The following THSD7B variants were observed in gnomAD, a reference collection of about 807,000 sequenced individuals.
THSD7B encodes the protein thrombospondin type 1 domain containing 7B.
Under a neutral mutation model 213.6 loss-of-function variants are expected in THSD7B, and 138 were observed. The ratio of observed to expected loss-of-function variants is 0.65; its 90% CI spans 0.56 to 0.74. THSD7B has a LOEUF of 0.74. THSD7B is among the 30% of genes least tolerant of loss of function. THSD7B has a pLI of 0.00. For missense variants in THSD7B, 1,931 were observed against 1,991.5 expected, an observed-to-expected ratio of 0.97 and a Z score of 0.58; for synonymous variants, 742 against 687.0, an observed-to-expected ratio of 1.08 and a Z score of -1.25.
intron 20 of THSD7B, among the ~76,000 whole-genome samples, chr2:137,641,033 C>T (rs1400965585): frequency 6.6e-6 from 1 of 152,160 alleles, no homozygotes; most frequent in Non-Finnish European, 1.5e-5. Flanking sequence ...TTACTTATCA[C>T]TAAACTTGAA....
intron 2 of THSD7B, among the ~76,000 whole-genome samples, chr2:137,027,333 A>G (rs1686574293): frequency 6.6e-6 from 1 of 152,136 alleles, no homozygotes; most frequent in Non-Finnish European, 1.5e-5. Flanking sequence ...TTGAGTCTCA[A>G]AAATCTTCCA....
intron 5 of THSD7B, among the ~76,000 whole-genome samples, chr2:137,115,729 C>T (rs184301611): frequency 5.9e-5 from 9 of 152,034 alleles, no homozygotes; most frequent in East Asian, 3.9e-4. Context: ...AGGGTTTTGT[C>T]GCCAAGTTTT....
rs11383871 is a variant in THSD7B, at chr2:137,508,376, ATT to A, written c.3139-54826_3139-54825del. On this transcript the variant is annotated intron_variant, in intron 15 of 27. Transcript: ENST00000409968. ...TGCCAGGCTTCTGCTAAATAAAACAATTTTTTTTTTTTTTTTTTTTGAGACAG... is the reference window on the plus strand; with the variant it reads ...TGCCAGGCTTCTGCTAAATAAAACAATTTTTTTTTTTTTTTTTTGAGACAG... Among the ~76,000 whole-genome samples, 76 of 107,934 alleles carry A rather than the reference ATT, an allele frequency of 7.0e-4. 1 individual carries two copies. The highest frequency in any genetic ancestry group is 2.5e-3 in the African/African-American group (68 of 26,828). 70.8% of individuals were successfully genotyped at this position (107,934 alleles called of 152,430 possible). A position where few individuals can be genotyped will look rare whatever the true frequency, so the allele number is the denominator to read the frequency against.
chr2:137,389,412 T>C (rs1344158917), intron 12 of THSD7B, among the ~76,000 whole-genome samples: 1 of 135,046 alleles, frequency 7.4e-6, no homozygotes, highest in Non-Finnish European at 1.6e-5. Flanking sequence ...ATTTTTTTTT[T>C]TTTTTTTTTT....
rs547451485 is a variant in THSD7B, at chr2:137,124,005, A to G, written c.1369+8712A>G. Among the ~76,000 whole-genome samples, 37 of 152,308 alleles carry G rather than the reference A, an allele frequency of 2.4e-4. No individual in the cohort carries two copies. In the East Asian group the frequency reaches 4.6e-3, roughly 19 times the overall value. ...AATGTAACCCCCTGCATATAGTCTT[A>G]CCATTCAGTTTTAGGCATTACTTTT... On this transcript the variant is annotated intron_variant, in intron 5 of 27. Coordinates refer to ENST00000409968, the MANE Select transcript of THSD7B (RefSeq NM_001316349.2).
Position 137,160,207 on chromosome 2 carries a change from C to T in THSD7B, c.1370-6C>T. On this transcript the variant is annotated splice_region_variant and splice_polypyrimidine_tract_variant and intron_variant, in intron 5 of 27. Coordinates refer to ENST00000409968, the MANE Select transcript of THSD7B (RefSeq NM_001316349.2). ...TGACATGGTCCGTTATCTTTTTGTC[C>T]CTCAGTCTCTAGACCTGTGGAAAAG... The T allele has an allele frequency of 3.1e-6, 5 of 1,606,338 alleles. No individual in the cohort carries two copies. Among genetic ancestry groups the T allele is most frequent in the Non-Finnish European group, 4.2e-6 (5 of 1,176,980 alleles).
chr2:137,470,209 A>G (rs1321022854), intron 15 of THSD7B, among the ~76,000 whole-genome samples: 3 of 152,170 alleles, frequency 2.0e-5, no homozygotes, highest in African/African-American at 7.2e-5. Flanking sequence ...ATTGAATTAC[A>G]GACTTGGAAT....
At position 137,260,553 on chromosome 2, in the gene THSD7B, C is replaced by T. The variant is rs191980430; in HGVS notation, c.2267-11980C>T. ...CAAGGCGGGAGGATTCCTTGAGCCC[C>T]GGAGTTGGAGATGAGCCTGGACGAC... is the stretch of plus-strand genomic sequence containing the variant. On this transcript the variant is annotated intron_variant, in intron 10 of 27. Transcript: ENST00000409968. Among the ~76,000 whole-genome samples the T allele has an allele frequency of 1.2e-3, 180 of 152,124 alleles. 1 individual carries two copies. Among genetic ancestry groups the T allele is most frequent in the African/African-American group, 4.1e-3 (169 of 41,506 alleles).
At chr2:137,357,411 G>GT (rs570522669) in intron 12 of THSD7B, among the ~76,000 whole-genome samples, 1 of 151,528 alleles carries the variant, frequency 6.6e-6, no homozygotes, top group Non-Finnish European at 1.5e-5. Flanking sequence ...GAGCTTTAGA[G>GT]TTTTTTTGTT....
intron 12 of THSD7B, among the ~76,000 whole-genome samples, chr2:137,334,412 G>C (rs1052902024): frequency 6.6e-6 from 1 of 152,126 alleles, no homozygotes; most frequent in Non-Finnish European, 1.5e-5. Flanking sequence ...AATAGACCCT[G>C]CCTTTATTTT....
At chr2:137,107,679 T>C (rs1325641037) in intron 4 of THSD7B, among the ~76,000 whole-genome samples, 1 of 152,222 alleles carries the variant, frequency 6.6e-6, no homozygotes, top group Admixed American at 6.5e-5. Context: ...TGAGGTATTA[T>C]TTCACGAGTC....
chr2:137,041,570 T>A (rs1269159765), intron 2 of THSD7B, among the ~76,000 whole-genome samples: 2 of 150,424 alleles, frequency 1.3e-5, no homozygotes, highest in African/African-American at 4.9e-5. Flanking sequence ...ACATATATAC[T>A]AACAAAAACT....
intron 2 of THSD7B, among the ~76,000 whole-genome samples, chr2:136,913,203 C>T (rs2105025852): frequency 6.6e-6 from 1 of 152,316 alleles, no homozygotes; most frequent in Middle Eastern, 3.4e-3. Flanking sequence ...TGCCCCTGCC[C>T]TAGAGATTTG....
At chr2:137,416,018 T>C (rs1019339583) in intron 14 of THSD7B, among the ~76,000 whole-genome samples, 4 of 152,224 alleles carry the variant, frequency 2.6e-5, no homozygotes, top group African/African-American at 9.6e-5. Context: ...TTTCAACTGC[T>C]GTATCCACAA....
intron 12 of THSD7B, among the ~76,000 whole-genome samples, chr2:137,392,717 T>C (rs1686062106): frequency 6.6e-6 from 1 of 152,148 alleles, no homozygotes; most frequent in African/African-American, 2.4e-5. Context: ...CTATATATTT[T>C]AGGAGGAGCA....
intron 15 of THSD7B, among the ~76,000 whole-genome samples, chr2:137,514,161 T>C (rs1398288353): frequency 6.6e-6 from 1 of 152,164 alleles, no homozygotes; most frequent in African/African-American, 2.4e-5. Flanking sequence ...TAATACTGAG[T>C]GTCAACTTGA....
chr2:137,115,840 C>T (rs1688439505), intron 5 of THSD7B, among the ~76,000 whole-genome samples: 1 of 152,102 alleles, frequency 6.6e-6, no homozygotes, highest in Non-Finnish European at 1.5e-5. Context: ...GTGTTTGTTT[C>T]AGAGTGTGGA....
Position 137,091,491 on chromosome 2 carries a change from T to TTTTTATTTTA in THSD7B, c.951-3359_951-3350dup, listed in dbSNP as rs10660951. ...CAAACTTGCTGGGTCAAACAACAGATTTTTATTTTATTTTATTTTATTTTA... is the reference window on the plus strand; with the variant it reads ...CAAACTTGCTGGGTCAAACAACAGATTTTTATTTTATTTTATTTTATTTTATTTTATTTTA... On this transcript the variant is annotated intron_variant, in intron 3 of 27. Transcript: ENST00000409968. Among the ~76,000 whole-genome samples the TTTTTATTTTA allele has an allele frequency of 5.1e-3, 772 of 150,748 alleles. 7 individuals are homozygous for TTTTTATTTTA. Among genetic ancestry groups the TTTTTATTTTA allele is most frequent in the African/African-American group, 0.015 (601 of 40,840 alleles).
intron 2 of THSD7B, among the ~76,000 whole-genome samples, chr2:136,983,385 T>TCA (rs1685620843): frequency 1.1e-3 from 10 of 9,142 alleles, no homozygotes; most frequent in Admixed American, 3.1e-3. Context: ...ACACACTCAC[T>TCA]CTCTCTCTCT....
Sources: allele counts gnomAD v4.1 joint callset (sites outside exome capture counted in the v4.1 genomes callset), GRCh38; gene constraint gnomAD v4.1.1; transcripts MANE v1.5; gene names NCBI Gene and HGNC (gene_info 2026-07-23, HGNC 2026-07-21).